The following GALNT17 variants were observed in gnomAD, a reference collection of about 807,000 sequenced individuals.
The protein encoded by GALNT17 is polypeptide N-acetylgalactosaminyltransferase 17, also known as UDP-GalNAc:polypeptide N-acetylgalactosaminyltransferase-like 3.
In GALNT17, 29 loss-of-function variants were observed where a neutral mutation model predicts 63.7. That is an observed-to-expected ratio of 0.46 (90% CI 0.34 to 0.62). The LOEUF (loss-of-function observed/expected upper bound fraction) is 0.62, where lower values mean the gene tolerates loss of function less well. Ranked by LOEUF, GALNT17 falls within the 20% of genes least tolerant of loss-of-function variation. The pLI is 0.01. For synonymous variants in GALNT17, 305 were observed against 318.3 expected (o/e 0.96, Z 0.45); for missense variants, 603 against 799.6 (o/e 0.75, Z 2.97).
intron 1 of GALNT17, among the ~76,000 whole-genome samples, chr7:71,154,702 G>C (rs1394408301): frequency 2.0e-5 from 3 of 152,004 alleles, no homozygotes; most frequent in African/African-American, 7.3e-5. Context: ...TCAGCCTCCT[G>C]AGTAGCTGGG....
chr7:71,579,062 T>A (rs1179249933), intron 6 of GALNT17, among the ~76,000 whole-genome samples: 1 of 152,232 alleles, frequency 6.6e-6, no homozygotes, highest in Non-Finnish European at 1.5e-5. Context: ...CTTTTTAGAT[T>A]GCATGAGTCT....
chr7:71,279,837 T>C (rs1321504171), intron 1 of GALNT17, among the ~76,000 whole-genome samples: 1 of 150,650 alleles, frequency 6.6e-6, no homozygotes, highest in African/African-American at 2.4e-5. Flanking sequence ...ATGTTTGGCT[T>C]TGTTGATGTT....
intron 1 of GALNT17, among the ~76,000 whole-genome samples, chr7:71,315,164 G>A (rs1467357862): frequency 3.9e-5 from 6 of 152,062 alleles, no homozygotes; most frequent in African/African-American, 1.2e-4. Flanking sequence ...TTAGCAAAAC[G>A]ACTTCACAGT....
At chr7:71,262,043 G>A (rs1359627164) in intron 1 of GALNT17, among the ~76,000 whole-genome samples, 2 of 152,148 alleles carry the variant, frequency 1.3e-5, no homozygotes, top group African/African-American at 4.8e-5. Context: ...TCTGACGCGT[G>A]ATGATGGTGA....
At chr7:71,710,467 CA>C (rs1791776397) in intron 9 of GALNT17, among the ~76,000 whole-genome samples, 1 of 152,112 alleles carries the variant, frequency 6.6e-6, no homozygotes, top group South Asian at 2.1e-4. Flanking sequence ...GAGATCGTGC[CA>C]TTGCACTCCA....
chr7:71,657,707 C>CTGG (rs1212657826), intron 6 of GALNT17, among the ~76,000 whole-genome samples: 2 of 152,244 alleles, frequency 1.3e-5, no homozygotes, highest in African/African-American at 4.8e-5. Flanking sequence ...GCCTTCTAAG[C>CTGG]TGGTGGCTCT....
chr7:71,286,935 C>T (rs997121734), intron 1 of GALNT17, among the ~76,000 whole-genome samples: 12 of 151,392 alleles, frequency 7.9e-5, no homozygotes, highest in African/African-American at 2.4e-4. Flanking sequence ...GGACTACAGG[C>T]GCCTGCCACT....
chr7:71,180,460 G>A (rs1160138472), intron 1 of GALNT17, among the ~76,000 whole-genome samples: 1 of 152,070 alleles, frequency 6.6e-6, no homozygotes, highest in Non-Finnish European at 1.5e-5. Context: ...GAAGTCACGT[G>A]CAGATGAATG....
intron 5 of GALNT17, among the ~76,000 whole-genome samples, chr7:71,472,559 G>A (rs946906226): frequency 3.9e-5 from 6 of 152,114 alleles, no homozygotes; most frequent in African/African-American, 7.2e-5. Flanking sequence ...GATGGCGTGC[G>A]CCTGTAATCC....
At chr7:71,450,713 C>G (rs1469860431) in intron 5 of GALNT17, among the ~76,000 whole-genome samples, 1 of 152,076 alleles carries the variant, frequency 6.6e-6, no homozygotes, top group Non-Finnish European at 1.5e-5. Flanking sequence ...TATTTTCTGT[C>G]TCTTTGGATT....
intron 6 of GALNT17, among the ~76,000 whole-genome samples, chr7:71,635,451 C>T (rs1234894712): frequency 6.6e-6 from 1 of 152,072 alleles, no homozygotes; most frequent in African/African-American, 2.4e-5. Context: ...ATAGCCGTGG[C>T]TAAGGAGGAA....
At chr7:71,690,691 G>A (rs966493149) in intron 9 of GALNT17, among the ~76,000 whole-genome samples, 3 of 152,192 alleles carry the variant, frequency 2.0e-5, no homozygotes, top group Non-Finnish European at 4.4e-5. Flanking sequence ...ATAGCAACAT[G>A]AACAGGAGTG....
intron 1 of GALNT17, among the ~76,000 whole-genome samples, chr7:71,272,664 A>T (rs947988599): frequency 1.3e-5 from 2 of 152,222 alleles, no homozygotes; most frequent in African/African-American, 4.8e-5. Flanking sequence ...CGACAGCAGG[A>T]TTCCCTGTTT....
chr7:71,345,147 GTTTTTT>G (rs67919212), intron 2 of GALNT17, among the ~76,000 whole-genome samples: 2 of 139,452 alleles, frequency 1.4e-5, no homozygotes, highest in African/African-American at 5.2e-5. Flanking sequence ...GTTGTTTTTT[GTTTTTT>G]TTTTTTGTTT....
intron 1 of GALNT17, among the ~76,000 whole-genome samples, chr7:71,168,685 C>T (rs1788490448): frequency 6.9e-6 from 1 of 145,814 alleles, no homozygotes; most frequent in African/African-American, 2.6e-5. Flanking sequence ...ACACATCCAT[C>T]AGCTCACATA....
At chr7:71,707,083 T>C (rs917039254) in intron 9 of GALNT17, among the ~76,000 whole-genome samples, 1 of 152,228 alleles carries the variant, frequency 6.6e-6, no homozygotes, top group African/African-American at 2.4e-5. Context: ...TAAAGAATAA[T>C]AAAACATATC....
intron 5 of GALNT17, among the ~76,000 whole-genome samples, chr7:71,428,786 A>G (rs1688673130): frequency 2.0e-5 from 3 of 152,120 alleles, no homozygotes; most frequent in Admixed American, 1.3e-4. Flanking sequence ...TGCAGGTTCC[A>G]TATCTGGTTT....
chr7:71,202,032 CTTATGACA>C (rs1789183319), intron 1 of GALNT17, among the ~76,000 whole-genome samples: 1 of 152,108 alleles, frequency 6.6e-6, no homozygotes, highest in African/African-American at 2.4e-5. Flanking sequence ...TTTTTTACTC[CTTATGACA>C]TGTTTGTTTC....
intron 5 of GALNT17, among the ~76,000 whole-genome samples, chr7:71,449,536 T>G (rs1337625316): frequency 6.6e-6 from 1 of 152,194 alleles, no homozygotes; most frequent in Non-Finnish European, 1.5e-5. Flanking sequence ...CAAATCTTTA[T>G]CTCATTCCTG....
Sources: gnomAD v4.1 joint callset for allele counts (sites outside exome capture counted in the v4.1 genomes callset) on GRCh38, gnomAD v4.1.1 for gene constraint, MANE v1.5 for transcripts, NCBI Gene and HGNC (gene_info 2026-07-23, HGNC 2026-07-21) for gene names.